STX8: variants seen among roughly 807,000 people sequenced by gnomAD.
The protein encoded by STX8 is syntaxin-8.
Under a neutral mutation model 37.5 loss-of-function variants are expected in STX8, and 23 were observed. That is an observed-to-expected ratio of 0.61 (90% CI 0.44 to 0.87). The LOEUF (loss-of-function observed/expected upper bound fraction) is 0.87, where lower values mean the gene tolerates loss of function less well. Among genes scored for constraint, STX8 ranks in the 40% least tolerant of loss-of-function variants. The probability of loss-of-function intolerance (pLI) is 0.00; values close to 1 mark genes in which losing one functional copy is unlikely to be tolerated. For synonymous variants in STX8, 115 were observed against 99.1 expected (o/e 1.16, Z -0.95); for missense variants, 313 against 284.7 (o/e 1.10, Z -0.71).
At chr17:9,469,696 G>A (rs1480943672) in intron 6 of STX8, 1 of 152,144 alleles carries the variant, frequency 6.6e-6, no homozygotes, top group Non-Finnish European at 1.5e-5. Context: ...CTACTCTTGG[G>A]CTCTTTGATT....
intron 7 of STX8, among the ~76,000 whole-genome samples, chr17:9,306,697 G>A (rs200164068): frequency 1.6e-3 from 243 of 150,596 alleles, no homozygotes; most frequent in African/African-American, 5.6e-3. Context: ...CCCAGAAGGC[G>A]GAGGTTGCAG....
At chr17:9,384,752 A>C (rs1197241867) in intron 6 of STX8, among the ~76,000 whole-genome samples, 3 of 152,038 alleles carry the variant, frequency 2.0e-5, no homozygotes, top group Non-Finnish European at 2.9e-5. Flanking sequence ...TATTAGAATA[A>C]GGACAAACAC....
At chr17:9,350,113 C>T (rs1234759566) in intron 7 of STX8, among the ~76,000 whole-genome samples, 2 of 152,172 alleles carry the variant, frequency 1.3e-5, no homozygotes, top group Non-Finnish European at 2.9e-5. Context: ...TTCGAGTAAT[C>T]CTGAATCACT....
chr17:9,358,006 C>T (rs1053314800), intron 7 of STX8, among the ~76,000 whole-genome samples: 2 of 152,080 alleles, frequency 1.3e-5, no homozygotes, highest in East Asian at 1.9e-4. Context: ...CTAAGATGAC[C>T]GAACACAAAA....
rs909269723 is a variant in STX8, at chr17:9,478,836, A to G, written c.541+12993T>C. Among the ~76,000 whole-genome samples, 2 of 150,868 alleles carry G rather than the reference A, an allele frequency of 1.3e-5. 1 individual carries two copies. The highest frequency in any genetic ancestry group is 4.2e-4 in the South Asian group (2 of 4,732). Reference sequence around the variant, plus strand: ...AGGAGATATCCCCGTTTTCCCTGCGACTCTTCACTGGCCACCTCCTCATCA... The same window carrying G: ...AGGAGATATCCCCGTTTTCCCTGCGGCTCTTCACTGGCCACCTCCTCATCA... On this transcript the variant is annotated intron_variant, in intron 6 of 7. Coordinates refer to ENST00000306357, the MANE Select transcript of STX8 (RefSeq NM_004853.3).
intron 2 of STX8, among the ~76,000 whole-genome samples, chr17:9,558,720 G>A (rs967077715): frequency 6.6e-6 from 1 of 152,178 alleles, no homozygotes; most frequent in Admixed American, 6.5e-5. Context: ...CTACGCGGGA[G>A]GCTGAGGCAG....
At chr17:9,261,911 T>C (rs775114469) in intron 7 of STX8, among the ~76,000 whole-genome samples, 24 of 152,214 alleles carry the variant, frequency 1.6e-4, no homozygotes, top group Non-Finnish European at 2.8e-4. Flanking sequence ...GTTACGGATA[T>C]CTTGTTTTGA....
At chr17:9,327,870 C>T in intron 7 of STX8, among the ~76,000 whole-genome samples, 1 of 151,764 alleles carries the variant, frequency 6.6e-6, no homozygotes, top group Non-Finnish European at 1.5e-5. Flanking sequence ...CCCTTCCTCT[C>T]TTTTTTCCTT....
At chr17:9,283,777 C>A (rs1314129615) in intron 7 of STX8, among the ~76,000 whole-genome samples, 1 of 152,102 alleles carries the variant, frequency 6.6e-6, no homozygotes, top group Non-Finnish European at 1.5e-5. Context: ...AATTCTATTT[C>A]TTTTCATTTC....
chr17:9,344,371 C>G (rs1000609636), intron 7 of STX8, among the ~76,000 whole-genome samples: 2 of 152,010 alleles, frequency 1.3e-5, no homozygotes, highest in Non-Finnish European at 2.9e-5. Context: ...AGCAATTCGC[C>G]TGCCTCAGCC....
intron 1 of STX8, chr17:9,569,728 A>G (rs986167728): frequency 2.0e-5 from 3 of 152,108 alleles, no homozygotes; most frequent in African/African-American, 7.2e-5. Context: ...CGGGCAGATC[A>G]TGAGGTCAGA....
intron 7 of STX8, among the ~76,000 whole-genome samples, chr17:9,367,611 T>C (rs1911267669): frequency 1.3e-5 from 2 of 152,118 alleles, no homozygotes; most frequent in African/African-American, 2.4e-5. Context: ...CACAGCAAAA[T>C]GTGGGAATAA....
rs77861133 is a variant in STX8, at chr17:9,424,987, C to G, written c.542-46334G>C. 6.6e-3 allele frequency among the ~76,000 whole-genome samples: 1,007 copies of G among 152,296 alleles called. 11 individuals carry two copies. Among genetic ancestry groups the G allele is most frequent in the South Asian group, 0.014 (66 of 4,830 alleles). Reference sequence around the variant, plus strand: ...GCCAGAGTGTAGAGGATGAAGAGATCATCTCCAATTGGGGAAACTCAGGAA... The same window carrying G: ...GCCAGAGTGTAGAGGATGAAGAGATGATCTCCAATTGGGGAAACTCAGGAA... On this transcript the variant is annotated intron_variant, in intron 6 of 7. Coordinates refer to ENST00000306357, the MANE Select transcript of STX8 (RefSeq NM_004853.3).
At position 9,459,054 on chromosome 17, in the gene STX8, G is replaced by A. The variant is rs371395221; in HGVS notation, c.541+32775C>T. On this transcript the variant is annotated intron_variant, in intron 6 of 7. Transcript: ENST00000306357. ...TCACCGTGTTAGCCAGGATGGTCTC[G>A]ATCTCCTGACCTAGTGATCCGCCTG... Among the ~76,000 whole-genome samples, 329 of 152,006 alleles carry A rather than the reference G, an allele frequency of 2.2e-3. 1 individual carries two copies. Among genetic ancestry groups the A allele is most frequent in the African/African-American group, 7.5e-3 (309 of 41,454 alleles).
chr17:9,304,338 C>T (rs1205526988), intron 7 of STX8, among the ~76,000 whole-genome samples: 4 of 151,616 alleles, frequency 2.6e-5, no homozygotes, highest in Non-Finnish European at 5.9e-5. Context: ...GGAGAAACCT[C>T]GTCTCTACAA....
intron 7 of STX8, among the ~76,000 whole-genome samples, chr17:9,256,833 CCTT>C (rs1174169232): frequency 6.6e-6 from 1 of 152,240 alleles, no homozygotes; most frequent in African/African-American, 2.4e-5. Flanking sequence ...AGCAGAACTT[CCTT>C]CTTCTGCCTC....
At chr17:9,312,692 G>A (rs1263762333) in intron 7 of STX8, among the ~76,000 whole-genome samples, 1 of 152,186 alleles carries the variant, frequency 6.6e-6, no homozygotes, top group Admixed American at 6.5e-5. Context: ...TTGGGTTAAA[G>A]AGCAGGTCTG....
At chr17:9,359,323 G>T (rs528491476) in intron 7 of STX8, among the ~76,000 whole-genome samples, 36 of 152,152 alleles carry the variant, frequency 2.4e-4, no homozygotes, top group Admixed American at 2.2e-3. Flanking sequence ...TTAATACGCA[G>T]GAAAAGAGGT....
chr17:9,381,999 T>C (rs1240340304), intron 6 of STX8, among the ~76,000 whole-genome samples: 2 of 147,808 alleles, frequency 1.4e-5, no homozygotes, highest in African/African-American at 5.3e-5. Context: ...AAACAAACAA[T>C]GTCCTAACTT....
Sources: allele counts gnomAD v4.1 joint callset (sites outside exome capture counted in the v4.1 genomes callset), GRCh38; gene constraint gnomAD v4.1.1; transcripts MANE v1.5; gene names NCBI Gene and HGNC (gene_info 2026-07-23, HGNC 2026-07-21).